Variants in PKHD1 observed in about 807,000 individuals in gnomAD.
PKHD1 encodes PKHD1 ciliary IPT domain containing fibrocystin/polyductin.
Under a neutral mutation model 412.0 loss-of-function variants are expected in PKHD1, and 291 were observed. The observed-to-expected ratio is 0.71, with a 90% CI of 0.64 to 0.78. PKHD1 has a LOEUF of 0.78. PKHD1 is among the 30% of genes least tolerant of loss of function. The pLI is 0.00. For missense variants in PKHD1, 4,825 were observed against 4,950.7 expected (o/e 0.97, Z 0.76); for synonymous variants, 1,777 against 1,821.5 (o/e 0.98, Z 0.62).
intron 55 of PKHD1, among the ~76,000 whole-genome samples, chr6:51,769,747 C>T (rs1789737191): frequency 6.6e-6 from 1 of 151,214 alleles, no homozygotes; most frequent in Non-Finnish European, 1.5e-5. Context: ...AATATGAAAA[C>T]TGTCAATAAG....
In PKHD1 at chr6:51,616,815, A is replaced by C; in HGVS notation, c.*2266T>G. Reference sequence around the variant, plus strand: ...TAGAGGATAAATAAGAAGATAATAAAAATTGGAAGAAGGGTAAAGAAGGGG... The same window carrying C: ...TAGAGGATAAATAAGAAGATAATAACAATTGGAAGAAGGGTAAAGAAGGGG... On this transcript the variant is annotated 3_prime_UTR_variant, in exon 67 of 67. Coordinates refer to ENST00000371117, the MANE Select transcript of PKHD1 (RefSeq NM_138694.4). 2.5e-6 allele frequency: 1 copy of C among 396,232 alleles called. No individual in the cohort carries two copies. The highest frequency in any genetic ancestry group is 4.5e-6 in the Non-Finnish European group (1 of 224,496). The allele number at this position is 396,232 out of a possible 1,614,324, so 24.5% of individuals were successfully genotyped here.
intron 48 of PKHD1, among the ~76,000 whole-genome samples, chr6:51,861,696 G>A (rs912048373): frequency 7.2e-5 from 11 of 152,086 alleles, no homozygotes; most frequent in Admixed American, 3.9e-4. Flanking sequence ...CCACCATTCC[G>A]TAATATTTCA....
chr6:52,034,909 G>GA (rs1267599600), intron 28 of PKHD1, among the ~76,000 whole-genome samples: 1 of 152,148 alleles, frequency 6.6e-6, no homozygotes. Context: ...TCTCCCAGGG[G>GA]ATCTTTATTT....
At chr6:51,788,778 T>C (rs1158984192) in intron 53 of PKHD1, among the ~76,000 whole-genome samples, 4 of 152,206 alleles carry the variant, frequency 2.6e-5, no homozygotes, top group African/African-American at 9.6e-5. Flanking sequence ...GTCTAATGCA[T>C]ATGACATATA....
At position 51,709,849 on chromosome 6, in the gene PKHD1, AT is replaced by A. The variant is rs10636108; in HGVS notation, c.10156+34535del. Among the ~76,000 whole-genome samples, 146 of 142,290 alleles carry A rather than the reference AT, an allele frequency of 1.0e-3. No individual in the cohort carries two copies. The Middle Eastern group carries it at 0.011, about 11-fold the overall frequency. The allele number at this position is 142,290 out of a possible 152,430, so 93.3% of individuals were successfully genotyped here. On this transcript the variant is annotated intron_variant, in intron 60 of 66. Transcript: ENST00000371117. ...TGTACCTGACATCTATGCTTTAGTC[AT>A]TTTTTTTTTTTTTTTACATAACTGA...
chr6:51,893,753 A>G (rs1252270653), intron 43 of PKHD1, among the ~76,000 whole-genome samples: 227 of 130,096 alleles, frequency 1.7e-3, no homozygotes, highest in African/African-American at 7.4e-3. Context: ...TAGTCACTAG[A>G]AAAAAAGTGA....
intron 21 of PKHD1, 125 bp from the exon 22 acceptor site, chr6:52,050,420 T>A: frequency 2.1e-6 from 2 of 952,356 alleles, no homozygotes; most frequent in Non-Finnish European, 3.4e-6. Context: ...GATTCCTACT[T>A]ATCTGCTGCC....
chr6:51,986,095 A>C (rs1247015815), intron 35 of PKHD1, among the ~76,000 whole-genome samples: 1 of 152,198 alleles, frequency 6.6e-6, no homozygotes, highest in Non-Finnish European at 1.5e-5. Flanking sequence ...TAATTTTGCT[A>C]TGGGGATCTG....
At position 51,721,217 on chromosome 6, in the gene PKHD1, T is replaced by C. The variant is rs1781887234; in HGVS notation, c.10156+23168A>G. On this transcript the variant is annotated intron_variant, in intron 60 of 66. Coordinates refer to ENST00000371117, the MANE Select transcript of PKHD1 (RefSeq NM_138694.4). ...AGGTCTGATTTTGCAATTCAAAAAA[T>C]TGCAACCTCCAGCATAAATGGGTTA... 5.3e-6 allele frequency: 5 copies of C among 950,884 alleles called. No homozygotes were observed. In the South Asian group the frequency reaches 1.9e-4, roughly 37 times the overall value. 58.9% of individuals were successfully genotyped at this position (950,884 alleles called of 1,614,324 possible). A position where few individuals can be genotyped will look rare whatever the true frequency, so the allele number is the denominator to read the frequency against.
intron 49 of PKHD1, among the ~76,000 whole-genome samples, chr6:51,848,259 G>T (rs2151631195): frequency 6.6e-6 from 1 of 152,170 alleles, no homozygotes; most frequent in South Asian, 2.1e-4. Context: ...GAAAGCCAAG[G>T]CCCAGACATA....
At chr6:51,867,611 C>T (rs1775289495) in intron 48 of PKHD1, among the ~76,000 whole-genome samples, 1 of 152,056 alleles carries the variant, frequency 6.6e-6, no homozygotes, top group African/African-American at 2.4e-5. Flanking sequence ...GTTATTAGCC[C>T]AAAATGTCAA....
chr6:51,861,497 A>G (rs971033477), intron 48 of PKHD1, among the ~76,000 whole-genome samples: 2 of 152,194 alleles, frequency 1.3e-5, no homozygotes, highest in African/African-American at 4.8e-5. Context: ...TGTGTTGCAA[A>G]CATCTTCTGA....
chr6:51,772,832 G>A (rs776598504), intron 54 of PKHD1, 43 bp from the exon 55 acceptor site: 6 of 1,120,762 alleles, frequency 5.4e-6, no homozygotes, highest in South Asian at 2.5e-5. Flanking sequence ...AAATCCTTCA[G>A]AGGAATGAAA....
chr6:51,912,297 G>A (rs1012615205), intron 38 of PKHD1, 69 bp downstream of exon 38: 3 of 965,228 alleles, frequency 3.1e-6, no homozygotes, highest in African/African-American at 3.2e-5. Flanking sequence ...CAATACAAAT[G>A]TCCAGACCCC....
chr6:52,010,668 C>T (rs1177618867), intron 34 of PKHD1, among the ~76,000 whole-genome samples: 1 of 152,032 alleles, frequency 6.6e-6, no homozygotes, highest in Non-Finnish European at 1.5e-5. Context: ...GAAAATGCAC[C>T]ATGGTAAATA....
chr6:51,932,442 C>T (rs1786773442), intron 37 of PKHD1, among the ~76,000 whole-genome samples: 1 of 152,174 alleles, frequency 6.6e-6, no homozygotes, highest in Non-Finnish European at 1.5e-5. Flanking sequence ...TCTGAGGATT[C>T]CTCCTAAGCC....
intron 52 of PKHD1, among the ~76,000 whole-genome samples, chr6:51,792,518 T>C (rs1355203138): frequency 6.6e-6 from 1 of 152,232 alleles, no homozygotes; most frequent in Non-Finnish European, 1.5e-5. Context: ...GCAGAGACTA[T>C]AGGGTTGTAA....
In PKHD1 at chr6:51,747,807, G is replaced by A. The variant is rs1785417396; in HGVS notation, c.9809C>T (p.Ser3270Leu). ...WHKVRNDHSI[S>L]GIMKLQDVTF... ...CCTACCTTGAAGTTTCATGATTCCT[G>A]AAATTGAATGATCATTCCTCACTTT... Residue 3270 changes from serine (S) to leucine (L), a missense_variant, in exon 58 of 67, where the codon TCA (serine) becomes TTA (leucine). Transcript: ENST00000371117. 2 of 1,613,662 alleles carry A rather than the reference G, an allele frequency of 1.2e-6. No individual in the cohort carries two copies. Among genetic ancestry groups the A allele is most frequent in the Non-Finnish European group, 1.7e-6 (2 of 1,179,778 alleles).
At chr6:51,968,968 T>C (rs1455767980) in intron 35 of PKHD1, among the ~76,000 whole-genome samples, 2 of 152,172 alleles carry the variant, frequency 1.3e-5, no homozygotes, top group African/African-American at 4.8e-5. Context: ...CCTGTGAATA[T>C]GATGGGCTAT....
Sources: allele counts gnomAD v4.1 joint callset (sites outside exome capture counted in the v4.1 genomes callset), GRCh38; gene constraint gnomAD v4.1.1; transcripts MANE v1.5; gene names NCBI Gene and HGNC (gene_info 2026-07-23, HGNC 2026-07-21).